SBF2: variants seen among roughly 807,000 people sequenced by gnomAD.
SBF2 encodes the protein myotubularin-related protein 13.
Under a neutral mutation model 225.2 loss-of-function variants are expected in SBF2, and 112 were observed. The observed-to-expected ratio is 0.50, with a 90% CI of 0.43 to 0.58. The LOEUF (loss-of-function observed/expected upper bound fraction) is 0.58, where lower values mean the gene tolerates loss of function less well. Ranked by LOEUF, SBF2 falls within the 20% of genes least tolerant of loss-of-function variation. The pLI is 0.00. For synonymous variants in SBF2, 763 were observed against 773.3 expected (o/e 0.99, Z 0.22); for missense variants, 1,996 against 2,206.2 (o/e 0.90, Z 1.91).
intron 2 of SBF2, among the ~76,000 whole-genome samples, chr11:10,188,525 G>T (rs932738960): frequency 6.6e-6 from 1 of 152,124 alleles, no homozygotes; most frequent in Non-Finnish European, 1.5e-5. Flanking sequence ...AGTGAAGTAC[G>T]TGACTGTAGG....
chr11:10,189,085 C>G (rs1471978137), intron 2 of SBF2, among the ~76,000 whole-genome samples: 1 of 152,176 alleles, frequency 6.6e-6, no homozygotes, highest in African/African-American at 2.4e-5. Context: ...TCTACAGTAT[C>G]TACCATACAT....
intron 6 of SBF2, among the ~76,000 whole-genome samples, chr11:10,011,176 T>A (rs1159355897): frequency 1.3e-5 from 2 of 152,170 alleles, no homozygotes; most frequent in Admixed American, 1.3e-4. Flanking sequence ...TGAAATCGAA[T>A]TATTAACTAG....
At chr11:9,895,796 G>A (rs1019899913) in intron 17 of SBF2, 147 bp downstream of exon 17, 4 of 683,404 alleles carry the variant, frequency 5.9e-6, no homozygotes, top group Admixed American at 2.0e-5. Context: ...CACATAGCAT[G>A]CAATAAATGT....
intron 21 of SBF2, among the ~76,000 whole-genome samples, chr11:9,851,933 C>T (rs1347055286): frequency 6.6e-6 from 1 of 152,138 alleles, no homozygotes; most frequent in South Asian, 2.1e-4. Flanking sequence ...CCACGGCTGG[C>T]TAACTTTTAC....
intron 1 of SBF2, among the ~76,000 whole-genome samples, chr11:10,237,412 G>A (rs1250507050): frequency 6.7e-6 from 1 of 149,790 alleles, no homozygotes. Context: ...TTAAATACCT[G>A]ATGCTTGGAG....
chr11:10,159,580 C>T (rs56853694), intron 2 of SBF2, among the ~76,000 whole-genome samples: 33,426 of 152,106 alleles, frequency 0.22, 4,242 homozygotes, highest in Non-Finnish European at 0.3. Context: ...TCTTGGCTCA[C>T]TGGCTTCCCC....
intron 2 of SBF2, among the ~76,000 whole-genome samples, chr11:10,043,420 G>A (rs542969324): frequency 4.6e-5 from 7 of 152,256 alleles, no homozygotes; most frequent in Admixed American, 4.6e-4. Context: ...ATCTTGTTCA[G>A]CAAGACAGAC....
intron 1 of SBF2, among the ~76,000 whole-genome samples, chr11:10,300,706 G>A (rs1964588552): frequency 6.6e-6 from 1 of 151,404 alleles, no homozygotes; most frequent in African/African-American, 2.4e-5. Context: ...GCCATTTATT[G>A]TGCCCTCTGT....
At chr11:10,095,849 T>C (rs541864394) in intron 2 of SBF2, among the ~76,000 whole-genome samples, 64 of 152,150 alleles carry the variant, frequency 4.2e-4, no homozygotes, top group African/African-American at 1.5e-3. Context: ...TTGAGCAAAA[T>C]GTCCCAAATA....
At chr11:9,799,711 T>C (rs1001038254) in intron 32 of SBF2, among the ~76,000 whole-genome samples, 3 of 152,202 alleles carry the variant, frequency 2.0e-5, no homozygotes, top group African/African-American at 7.2e-5. Flanking sequence ...GGCTGAACTC[T>C]TACGGTGCTT....
intron 2 of SBF2, among the ~76,000 whole-genome samples, chr11:10,146,496 G>A (rs868128413): frequency 6.6e-6 from 1 of 152,184 alleles, no homozygotes; most frequent in Non-Finnish European, 1.5e-5. Flanking sequence ...TTAACAAATA[G>A]TGCTGCAATA....
At chr11:9,894,278 G>A (rs1861064987) in intron 17 of SBF2, among the ~76,000 whole-genome samples, 1 of 152,188 alleles carries the variant, frequency 6.6e-6, no homozygotes, top group South Asian at 2.1e-4. Flanking sequence ...CAGCACTTTG[G>A]GAGGCCAAGG....
At chr11:10,112,464 C>G (rs1032756044) in intron 2 of SBF2, among the ~76,000 whole-genome samples, 1 of 152,210 alleles carries the variant, frequency 6.6e-6, no homozygotes, top group South Asian at 2.1e-4. Flanking sequence ...TCCTCCTTGC[C>G]TTCCGCCATG....
At chr11:10,019,659 A>G (rs899260140) in intron 6 of SBF2, among the ~76,000 whole-genome samples, 3 of 148,022 alleles carry the variant, frequency 2.0e-5, no homozygotes, top group African/African-American at 7.4e-5. Context: ...TCAAACATTG[A>G]AAAAAAAAAG....
At chr11:9,844,699 A>G (rs1856412966) in intron 24 of SBF2, among the ~76,000 whole-genome samples, 1 of 152,168 alleles carries the variant, frequency 6.6e-6, no homozygotes, top group African/African-American at 2.4e-5. Flanking sequence ...AAAGTTTTAT[A>G]TTAATTAAAT....
chr11:10,029,910 GA>G, intron 4 of SBF2, 35 bp from the exon 5 acceptor site: 2 of 1,381,954 alleles, frequency 1.4e-6, no homozygotes. Context: ...TTATTTCATG[GA>G]AAAAGCATTA....
At chr11:9,839,406 A>T in intron 26 of SBF2, 92 bp downstream of exon 26, 1 of 1,255,298 alleles carries the variant, frequency 8.0e-7, no homozygotes, top group Non-Finnish European at 1.2e-6. Flanking sequence ...ATTTTTATCT[A>T]TCTCAGGGCT....
At chr11:9,820,168 T>C (rs1345169593) in intron 28 of SBF2, among the ~76,000 whole-genome samples, 1 of 152,236 alleles carries the variant, frequency 6.6e-6, no homozygotes, top group African/African-American at 2.4e-5. Context: ...GAAATGATTT[T>C]ATATTTATTC....
intron 17 of SBF2, among the ~76,000 whole-genome samples, chr11:9,858,809 G>A (rs780381): frequency 0.88 from 134,168 of 152,202 alleles, 59,494 homozygotes; most frequent in African/African-American, 0.94. Flanking sequence ...TAAAGAGACA[G>A]CAACTGAAAT....
Sources: allele counts gnomAD v4.1 joint callset (sites outside exome capture counted in the v4.1 genomes callset), GRCh38; gene constraint gnomAD v4.1.1; transcripts MANE v1.5; gene names NCBI Gene and HGNC (gene_info 2026-07-23, HGNC 2026-07-21).